The following PTPN11 variants were observed in gnomAD, a reference collection of about 807,000 sequenced individuals.
The protein encoded by PTPN11 is protein tyrosine phosphatase non-receptor type 11, also known as tyrosine-protein phosphatase non-receptor type 11.
A neutral mutation model predicts 78.8 loss-of-function variants in PTPN11; 6 were observed. The ratio of observed to expected loss-of-function variants is 0.08; its 90% CI spans 0.04 to 0.15. The LOEUF is 0.15. Ranked by LOEUF, PTPN11 falls within the 10% of genes least tolerant of loss-of-function variation. The pLI is 1.00. For missense variants in PTPN11, 386 were observed against 744.8 expected, an observed-to-expected ratio of 0.52 and a Z score of 5.61; for synonymous variants, 221 against 263.5, an observed-to-expected ratio of 0.84 and a Z score of 1.56.
chr12:112,460,678 C>A (rs184867808), intron 6 of PTPN11, among the ~76,000 whole-genome samples: 55 of 152,100 alleles, frequency 3.6e-4, no homozygotes, highest in Non-Finnish European at 5.7e-4. Context: ...CCGGTCTCTA[C>A]TAAAAATACA....
At chr12:112,476,768 C>T (rs1430440802) in intron 7 of PTPN11, among the ~76,000 whole-genome samples, 1 of 151,932 alleles carries the variant, frequency 6.6e-6, no homozygotes, top group Non-Finnish European at 1.5e-5. Flanking sequence ...AACCCTGTCT[C>T]AAAAAATAAA....
intron 1 of PTPN11, among the ~76,000 whole-genome samples, chr12:112,424,606 G>A (rs2037576468): frequency 6.6e-6 from 1 of 152,094 alleles, no homozygotes; most frequent in African/African-American, 2.4e-5. Context: ...TGTCATCAAA[G>A]CAGAGATGCT....
intron 1 of PTPN11, among the ~76,000 whole-genome samples, chr12:112,443,461 C>T (rs527264135): frequency 4.0e-5 from 6 of 151,262 alleles, no homozygotes; most frequent in Non-Finnish European, 5.9e-5. Context: ...CGGGTTCAAG[C>T]GATTCTCCTG....
At chr12:112,486,774 A>T in intron 11 of PTPN11, 145 bp downstream of exon 11, 1 of 1,505,242 alleles carries the variant, frequency 6.6e-7, no homozygotes, top group Middle Eastern at 2.4e-4. Context: ...GCATTGAGGG[A>T]CATTTTGATC....
At chr12:112,459,942 C>T (rs911607135) in intron 6 of PTPN11, among the ~76,000 whole-genome samples, 1 of 151,136 alleles carries the variant, frequency 6.6e-6, no homozygotes, top group African/African-American at 2.4e-5. Flanking sequence ...CACACACACA[C>T]TTGCAATTTG....
At chr12:112,419,187 C>T (rs1270693569) in intron 1 of PTPN11, 62 bp downstream of exon 1, 2 of 1,407,586 alleles carry the variant, frequency 1.4e-6, no homozygotes, top group Admixed American at 3.1e-5. Flanking sequence ...TTCGGTTAGC[C>T]CCGTCCGGAA....
chr12:112,492,252 A>G (rs892565056), intron 13 of PTPN11, among the ~76,000 whole-genome samples: 2 of 152,102 alleles, frequency 1.3e-5, no homozygotes, highest in African/African-American at 4.8e-5. Flanking sequence ...CTGATTCATT[A>G]CTAGTGGTGT....
intron 6 of PTPN11, among the ~76,000 whole-genome samples, chr12:112,463,350 G>A (rs1319262050): frequency 1.3e-5 from 2 of 151,900 alleles, no homozygotes; most frequent in Non-Finnish European, 1.5e-5. Flanking sequence ...TAAAGTGTAA[G>A]CCACCACACT....
At chr12:112,484,930 A>G (rs2038650992) in intron 10 of PTPN11, among the ~76,000 whole-genome samples, 1 of 152,032 alleles carries the variant, frequency 6.6e-6, no homozygotes, top group African/African-American at 2.4e-5. Context: ...AAAGAAGAAG[A>G]AAAAAGAGAA....
intron 1 of PTPN11, among the ~76,000 whole-genome samples, chr12:112,437,286 T>C (rs763702783): frequency 2.0e-4 from 31 of 151,950 alleles, no homozygotes; most frequent in Admixed American, 6.6e-4. Flanking sequence ...GCCTCCCAAG[T>C]AGCTGGGATT....
intron 1 of PTPN11, among the ~76,000 whole-genome samples, chr12:112,426,406 G>A (rs923890196): frequency 2.6e-5 from 4 of 152,148 alleles, no homozygotes; most frequent in Middle Eastern, 6.8e-3. Flanking sequence ...ACAGGCATGC[G>A]CCACCACACC....
chr12:112,471,331 C>T (rs756965163), intron 6 of PTPN11, among the ~76,000 whole-genome samples: 2 of 150,910 alleles, frequency 1.3e-5, no homozygotes, highest in Admixed American at 1.3e-4. Context: ...TGTGATTTCC[C>T]ATTAAACACT....
intron 14 of PTPN11, among the ~76,000 whole-genome samples, chr12:112,502,464 G>A (rs1699345032): frequency 1.3e-5 from 2 of 152,068 alleles, no homozygotes; most frequent in African/African-American, 4.8e-5. Context: ...TTCCTAAGCT[G>A]GCCAGGCACG....
chr12:112,425,944 G>A, intron 1 of PTPN11, among the ~76,000 whole-genome samples: 1 of 152,034 alleles, frequency 6.6e-6, no homozygotes, highest in East Asian at 1.9e-4. Flanking sequence ...GGGCTCAAGC[G>A]ATTCTCCCCA....
chr12:112,437,586 G>A (rs187923910), intron 1 of PTPN11, among the ~76,000 whole-genome samples: 2 of 152,318 alleles, frequency 1.3e-5, no homozygotes, highest in East Asian at 1.9e-4. Flanking sequence ...ATATTCATGA[G>A]TACCATTGGT....
At chr12:112,458,291 G>A (rs962545864) in intron 6 of PTPN11, among the ~76,000 whole-genome samples, 1 of 152,176 alleles carries the variant, frequency 6.6e-6, no homozygotes, top group African/African-American at 2.4e-5. Flanking sequence ...GCTCACTGCA[G>A]CGTCCAACTT....
chr12:112,500,141 G>C (rs1566191506), intron 13 of PTPN11, among the ~76,000 whole-genome samples: 1 of 152,010 alleles, frequency 6.6e-6, no homozygotes, highest in Non-Finnish European at 1.5e-5. Context: ...CTACTTGGGA[G>C]GCTGAGGGAG....
intron 1 of PTPN11, among the ~76,000 whole-genome samples, chr12:112,430,771 T>C (rs1381083475): frequency 6.6e-6 from 1 of 152,006 alleles, no homozygotes; most frequent in Non-Finnish European, 1.5e-5. Context: ...CGGTCTTACT[T>C]TGTTACCCAG....
At chr12:112,497,349 G>T (rs2038826584) in intron 13 of PTPN11, among the ~76,000 whole-genome samples, 1 of 152,168 alleles carries the variant, frequency 6.6e-6, no homozygotes, top group East Asian at 1.9e-4. Context: ...TTTGTTTGGT[G>T]TCATTCCTTT....
Sources: allele counts gnomAD v4.1 joint callset (sites outside exome capture counted in the v4.1 genomes callset), GRCh38; gene constraint gnomAD v4.1.1; transcripts MANE v1.5; gene names NCBI Gene and HGNC (gene_info 2026-07-23, HGNC 2026-07-21).